The following NRCAM variants were observed in gnomAD, a reference collection of about 807,000 sequenced individuals.
NRCAM encodes neuronal cell adhesion molecule, also known as NgCAM-related cell adhesion molecule.
A neutral mutation model predicts 156.5 loss-of-function variants in NRCAM; 83 were observed. That is an observed-to-expected ratio of 0.53 (90% CI 0.44 to 0.64). The LOEUF (loss-of-function observed/expected upper bound fraction) is 0.64. NRCAM is among the 30% of genes least tolerant of loss of function. NRCAM has a pLI of 0.00. For synonymous variants in NRCAM, 538 were observed against 563.9 expected, an observed-to-expected ratio of 0.95 and a Z score of 0.65; for missense variants, 1,417 against 1,597.3, an observed-to-expected ratio of 0.89 and a Z score of 1.92.
chr7:108,272,897 A>G (rs2097422218), intron 3 of NRCAM, among the ~76,000 whole-genome samples: 1 of 151,732 alleles, frequency 6.6e-6, no homozygotes, highest in African/African-American at 2.4e-5. Context: ...TCCCTCCCCC[A>G]GCCCCCCACC....
intron 2 of NRCAM, among the ~76,000 whole-genome samples, chr7:108,352,011 G>C (rs10487850): frequency 0.2 from 29,991 of 151,922 alleles, 3,524 homozygotes; most frequent in East Asian, 0.45. Context: ...AAGCAGAGAT[G>C]AAAAGACCAC....
chr7:108,183,586 G>C (rs1416410798), intron 22 of NRCAM, among the ~76,000 whole-genome samples: 4 of 151,664 alleles, frequency 2.6e-5, no homozygotes, highest in African/African-American at 9.7e-5. Flanking sequence ...ACCCAGGCTG[G>C]AGTGCAGTGG....
intron 32 of NRCAM, among the ~76,000 whole-genome samples, chr7:108,155,239 A>C (rs2044604031): frequency 6.6e-6 from 1 of 151,742 alleles, no homozygotes; most frequent in Non-Finnish European, 1.5e-5. Flanking sequence ...TCACATTTTA[A>C]TGAGAAAGTT....
At chr7:108,231,269 C>A in intron 7 of NRCAM, 116 bp from the exon 8 acceptor site, 12 of 647,520 alleles carry the variant, frequency 1.9e-5, no homozygotes, top group South Asian at 1.0e-4. Flanking sequence ...TTTATGTACA[C>A]TAAATTAATG....
intron 26 of NRCAM, among the ~76,000 whole-genome samples, chr7:108,177,703 A>G (rs1404754892): frequency 1.2e-3 from 26 of 21,458 alleles, no homozygotes; most frequent in African/African-American, 1.8e-3. Context: ...ATATACACGT[A>G]TATATATATA....
chr7:108,203,795 C>T (rs11980184), intron 13 of NRCAM, among the ~76,000 whole-genome samples: 35,419 of 152,118 alleles, frequency 0.23, 4,377 homozygotes, highest in Non-Finnish European at 0.27. Context: ...GTTTCCTGTG[C>T]CTCACCCGCA....
chr7:108,285,541 G>T (rs1328950105), intron 3 of NRCAM, among the ~76,000 whole-genome samples: 2 of 152,186 alleles, frequency 1.3e-5, no homozygotes, highest in Non-Finnish European at 2.9e-5. Context: ...AAGGATAACA[G>T]ACTAACTAGG....
chr7:108,411,264 G>A (rs571104588), intron 1 of NRCAM, among the ~76,000 whole-genome samples: 2 of 152,010 alleles, frequency 1.3e-5, no homozygotes, highest in East Asian at 3.9e-4. Context: ...TTTCCTGGGA[G>A]ATACATTTTG....
intron 29 of NRCAM, among the ~76,000 whole-genome samples, 170 bp downstream of exon 29, chr7:108,168,107 A>G (rs2055962059): frequency 6.6e-6 from 1 of 152,226 alleles, no homozygotes; most frequent in South Asian, 2.1e-4. Context: ...AGTCGTGCAT[A>G]TAATATGTGG....
At chr7:108,431,057 T>A (rs1824447725) in intron 1 of NRCAM, among the ~76,000 whole-genome samples, 1 of 152,208 alleles carries the variant, frequency 6.6e-6, no homozygotes, top group African/African-American at 2.4e-5. Context: ...AAATAAACAA[T>A]ACTAATATTT....
chr7:108,155,693 T>C (rs910556242), intron 32 of NRCAM, among the ~76,000 whole-genome samples: 1 of 152,102 alleles, frequency 6.6e-6, no homozygotes, highest in Admixed American at 6.6e-5. Context: ...ATTCTATTGG[T>C]TTGAATATTC....
intron 11 of NRCAM, among the ~76,000 whole-genome samples, chr7:108,220,248 A>T (rs1158563681): frequency 6.6e-6 from 1 of 152,220 alleles, no homozygotes; most frequent in Non-Finnish European, 1.5e-5. Flanking sequence ...GAGTAGAATC[A>T]ATATTGTGAA....
chr7:108,232,402 A>C lies in NRCAM; in HGVS notation c.351T>G (p.Tyr117Ter). The C allele has an allele frequency of 6.2e-7, 1 of 1,613,740 alleles. No individual in the cohort carries two copies. Among genetic ancestry groups the C allele is most frequent in the Non-Finnish European group, 8.5e-7 (1 of 1,179,780 alleles). ...TTGCTGTACACTGATAGACTCCTTC[A>C]TAGGTCTCAGCTTTCCCTTCGCTCA... ...NIMSEGKAETYEGVYQCTARN... is the reference protein window; with the variant it reads ...NIMSEGKAET The change falls in exon 7 of 33, where the codon TAT becomes TAG. Residue 117 changes from tyrosine to a stop codon, truncating the protein, a stop_gained. Transcript: ENST00000379028. LOFTEE classifies it high-confidence loss of function.
chr7:108,179,410 A>G (rs529616198), intron 25 of NRCAM, among the ~76,000 whole-genome samples: 2 of 152,356 alleles, frequency 1.3e-5, no homozygotes, highest in East Asian at 3.9e-4. Flanking sequence ...GGTGGGGTCC[A>G]TCTTCTGTGA....
intron 2 of NRCAM, among the ~76,000 whole-genome samples, chr7:108,394,017 C>T (rs1348925861): frequency 3.3e-5 from 5 of 152,148 alleles, no homozygotes; most frequent in Admixed American, 2.0e-4. Context: ...GAAGTTGGGC[C>T]GTGGTGCTGT....
chr7:108,393,681 GGGAGCTGTAGACT>G (rs369104106), intron 2 of NRCAM, among the ~76,000 whole-genome samples: 3 of 152,138 alleles, frequency 2.0e-5, no homozygotes, highest in African/African-American at 7.2e-5. Context: ...CGCTCAAGCT[GGGAGCTGTAGACT>G]GGAGCTGTTC....
At chr7:108,207,163 T>C in intron 13 of NRCAM, 1 of 170,542 alleles carries the variant, frequency 5.9e-6, no homozygotes, top group Non-Finnish European at 1.2e-5. Flanking sequence ...TCTCCCCACC[T>C]ATCTCCTCTA....
intron 2 of NRCAM, among the ~76,000 whole-genome samples, chr7:108,315,046 AAAAT>A (rs1344473829): frequency 6.6e-6 from 1 of 151,908 alleles, no homozygotes; most frequent in Non-Finnish European, 1.5e-5. Context: ...TACACTCTTC[AAAAT>A]AAATACAGAT....
chr7:108,322,426 C>T (rs2099013610), intron 2 of NRCAM, among the ~76,000 whole-genome samples: 1 of 152,150 alleles, frequency 6.6e-6, no homozygotes, highest in African/African-American at 2.4e-5. Context: ...GATGTTTATC[C>T]CACGTTCCCT....
Sources: gnomAD v4.1 joint callset for allele counts (sites outside exome capture counted in the v4.1 genomes callset) on GRCh38, gnomAD v4.1.1 for gene constraint, MANE v1.5 for transcripts, NCBI Gene and HGNC (gene_info 2026-07-23, HGNC 2026-07-21) for gene names.